ACVR1C: variants seen among roughly 807,000 people sequenced by gnomAD.
The protein encoded by ACVR1C is activin receptor type-1C.
A neutral mutation model predicts 57.9 loss-of-function variants in ACVR1C; 23 were observed. That is an observed-to-expected ratio of 0.40 (90% confidence interval 0.29 to 0.56). The LOEUF (loss-of-function observed/expected upper bound fraction) is 0.56. ACVR1C is among the 20% of genes least tolerant of loss of function. The pLI, the probability that ACVR1C is intolerant of heterozygous loss-of-function variation, is 0.50. For synonymous variants in ACVR1C, 214 were observed against 215.3 expected (o/e 0.99, Z 0.05); for missense variants, 480 against 607.9 (o/e 0.79, Z 2.21).
chr2:157,602,877 A>C (rs1469229021), intron 1 of ACVR1C, among the ~76,000 whole-genome samples: 1 of 152,194 alleles, frequency 6.6e-6, no homozygotes, highest in Non-Finnish European at 1.5e-5. Context: ...CCTATAAAGA[A>C]TATATTAATA....
At chr2:157,541,254 T>C (rs780752706) in intron 6 of ACVR1C, 40 bp from the exon 7 acceptor site, 2 of 1,579,894 alleles carry the variant, frequency 1.3e-6, no homozygotes, top group Admixed American at 1.9e-5. Flanking sequence ...TCTATGACTT[T>C]ATAGCAGTCC....
In ACVR1C at chr2:157,561,161, T is replaced by C. The variant is rs181617347; in HGVS notation, c.305-4829A>G. Among the ~76,000 whole-genome samples, 501 of 152,362 alleles carry C rather than the reference T, an allele frequency of 3.3e-3. 2 individuals carry two copies. Among genetic ancestry groups the C allele is most frequent in the Non-Finnish European group, 5.8e-3 (393 of 68,024 alleles). Reference sequence around the variant, plus strand: ...TTAGTGCTTCCATCCCAAAAGTCACTGTCATTTTGCATTAAAACCAATCCC... The same window carrying C: ...TTAGTGCTTCCATCCCAAAAGTCACCGTCATTTTGCATTAAAACCAATCCC... On this transcript the variant is annotated intron_variant, in intron 2 of 8. Transcript: ENST00000243349.
chr2:157,542,631 T>A, intron 6 of ACVR1C, 75 bp downstream of exon 6: 1 of 1,492,568 alleles, frequency 6.7e-7, no homozygotes, highest in African/African-American at 1.4e-5. Flanking sequence ...CTGAGCCTCC[T>A]CCACACACAT....
intron 3 of ACVR1C, among the ~76,000 whole-genome samples, chr2:157,553,911 A>G (rs904307766): frequency 9.2e-5 from 14 of 151,912 alleles, no homozygotes; most frequent in Non-Finnish European, 1.8e-4. Flanking sequence ...GGCCAGGTGC[A>G]GTGGCTCACA....
At chr2:157,590,258 T>C (rs1689030652) in intron 1 of ACVR1C, among the ~76,000 whole-genome samples, 1 of 151,966 alleles carries the variant, frequency 6.6e-6, no homozygotes, top group South Asian at 2.1e-4. Context: ...TACCATATAA[T>C]CTTTGTTAGT....
intron 1 of ACVR1C, 127 bp from the exon 2 acceptor site, chr2:157,587,544 A>G (rs1290875873): frequency 4.5e-6 from 3 of 673,050 alleles, no homozygotes; most frequent in Non-Finnish European, 7.6e-6. Context: ...AACACTTGCT[A>G]AACACATGCT....
chr2:157,623,152 G>A (rs892509477), intron 1 of ACVR1C, among the ~76,000 whole-genome samples: 4 of 152,210 alleles, frequency 2.6e-5, no homozygotes, highest in African/African-American at 9.6e-5. Context: ...TTTGTACACT[G>A]TTGGTAGGAT....
Position 157,628,605 on chromosome 2 carries a change from G to C in ACVR1C, c.40C>G (p.Leu14Val). 1 of 1,605,890 alleles carries C rather than the reference G, an allele frequency of 6.2e-7. No individual in the cohort carries two copies. Among genetic ancestry groups the C allele is most frequent in the Non-Finnish European group, 8.5e-7 (1 of 1,176,932 alleles). ...AGCTCGGCGGCCGCTGCGAGCAGCA[G>C]GAGAGCCTGGCGGAGCGCTGAGCAG... ...ALCSALRQAL[L>V]LLAAAAELSP... The change falls in exon 1 of 9, where the codon CTG becomes GTG. Residue 14 changes from leucine (L) to valine (V), a missense_variant. By Grantham distance (32) the Leu-to-Val change is conservative. Transcript: ENST00000243349.
intron 2 of ACVR1C, among the ~76,000 whole-genome samples, chr2:157,575,808 G>A (rs1353692811): frequency 3.3e-5 from 5 of 151,856 alleles, no homozygotes; most frequent in Non-Finnish European, 5.9e-5. Context: ...GACTCATTAC[G>A]GTTTTTTTAA....
intron 2 of ACVR1C, among the ~76,000 whole-genome samples, chr2:157,560,231 A>G (rs917902773): frequency 6.6e-6 from 1 of 152,196 alleles, no homozygotes; most frequent in Non-Finnish European, 1.5e-5. Flanking sequence ...AAGATAAGAC[A>G]ATGTAGGCAT....
At chr2:157,596,757 C>T (rs1003832559) in intron 1 of ACVR1C, among the ~76,000 whole-genome samples, 2 of 152,136 alleles carry the variant, frequency 1.3e-5, no homozygotes, top group African/African-American at 4.8e-5. Context: ...TATGGCAAGT[C>T]TTTAGATAAG....
At chr2:157,558,203 C>G (rs1168588799) in intron 2 of ACVR1C, among the ~76,000 whole-genome samples, 1 of 152,132 alleles carries the variant, frequency 6.6e-6, no homozygotes, top group Non-Finnish European at 1.5e-5. Flanking sequence ...AACTGCCTCC[C>G]CAGATGATTC....
Position 157,538,565 on chromosome 2 carries a change from G to A in ACVR1C, c.1356+8C>T, listed in dbSNP as rs749120998. The A allele has an allele frequency of 7.1e-6, 11 of 1,546,410 alleles. No homozygotes were observed. Among genetic ancestry groups the A allele is most frequent in the Non-Finnish European group, 9.5e-6 (11 of 1,153,186 alleles). On this transcript the variant is annotated splice_region_variant and intron_variant, in intron 8 of 8. Coordinates refer to ENST00000243349, the MANE Select transcript of ACVR1C (RefSeq NM_145259.3). ...ATAAGAAAAATATAGATAAAAACAT[G>A]GCCTTACTTCACAACTTTGCCACTG... is the stretch of plus-strand genomic sequence containing the variant.
intron 1 of ACVR1C, among the ~76,000 whole-genome samples, chr2:157,607,290 T>C (rs984396643): frequency 6.6e-6 from 1 of 151,830 alleles, no homozygotes; most frequent in Non-Finnish European, 1.5e-5. Context: ...GTTTTGGTTA[T>C]CTGGGCTCTT....
At chr2:157,612,858 A>G (rs144113072) in intron 1 of ACVR1C, among the ~76,000 whole-genome samples, 32 of 152,316 alleles carry the variant, frequency 2.1e-4, no homozygotes, top group Middle Eastern at 3.4e-3. Context: ...ATGTAGAACT[A>G]TAGGGGCTAT....
At chr2:157,549,229 C>A (rs187368496) in intron 4 of ACVR1C, among the ~76,000 whole-genome samples, 1 of 152,074 alleles carries the variant, frequency 6.6e-6, no homozygotes, top group East Asian at 1.9e-4. Flanking sequence ...GTGGCAGGCA[C>A]CTGTAGTTCC....
At chr2:157,618,752 T>C (rs1682705013) in intron 1 of ACVR1C, among the ~76,000 whole-genome samples, 2 of 151,778 alleles carry the variant, frequency 1.3e-5, no homozygotes, top group African/African-American at 4.8e-5. Context: ...AGGCAAAGCA[T>C]ATTACCAGTA....
chr2:157,610,546 G>T (rs1313269094), intron 1 of ACVR1C, among the ~76,000 whole-genome samples: 2 of 152,054 alleles, frequency 1.3e-5, no homozygotes, highest in African/African-American at 4.8e-5. Flanking sequence ...TCTGTTTGGG[G>T]ATCACTGGGC....
intron 3 of ACVR1C, among the ~76,000 whole-genome samples, chr2:157,555,619 CT>C (rs1291189861): frequency 1.3e-5 from 2 of 152,130 alleles, no homozygotes; most frequent in Admixed American, 6.5e-5. Context: ...CAGGGGGTGT[CT>C]ATAGATTCTG....
Sources: gnomAD v4.1 joint callset for allele counts (sites outside exome capture counted in the v4.1 genomes callset) on GRCh38, gnomAD v4.1.1 for gene constraint, MANE v1.5 for transcripts, NCBI Gene and HGNC (gene_info 2026-07-23, HGNC 2026-07-21) for gene names.